The following MBD2 variants were observed in gnomAD, a reference collection of about 807,000 sequenced individuals.
MBD2 encodes the protein methyl-CpG binding domain protein 2.
In MBD2, 9 loss-of-function variants were observed where a neutral mutation model predicts 39.3. That is an observed-to-expected ratio of 0.23 (90% CI 0.14 to 0.40). MBD2 has a LOEUF of 0.40. Among genes scored for constraint, MBD2 ranks in the 10% least tolerant of loss-of-function variants. The pLI is 1.00. For missense variants in MBD2, 458 were observed against 532.6 expected, an observed-to-expected ratio of 0.86 and a Z score of 1.38; for synonymous variants, 233 against 211.1, an observed-to-expected ratio of 1.10 and a Z score of -0.90.
chr18:54,217,929 A>C (rs1412279153), intron 1 of MBD2, among the ~76,000 whole-genome samples: 1 of 152,220 alleles, frequency 6.6e-6, no homozygotes, highest in African/African-American at 2.4e-5. Flanking sequence ...TCTCACAAAA[A>C]GATGTGATAG....
At chr18:54,177,571 C>T (rs2086220673) in intron 3 of MBD2, among the ~76,000 whole-genome samples, 1 of 152,016 alleles carries the variant, frequency 6.6e-6, no homozygotes, top group African/African-American at 2.4e-5. Flanking sequence ...AGCTCCGCCT[C>T]CCGCGTTCAC....
chr18:54,169,273 C>G (rs1199983205), intron 3 of MBD2, among the ~76,000 whole-genome samples: 1 of 152,210 alleles, frequency 6.6e-6, no homozygotes, highest in East Asian at 1.9e-4. Context: ...ATCGCCCTTT[C>G]CCAAGTCTAC....
At chr18:54,182,829 G>C (rs1458027419) in intron 3 of MBD2, among the ~76,000 whole-genome samples, 1 of 152,124 alleles carries the variant, frequency 6.6e-6, no homozygotes, top group Non-Finnish European at 1.5e-5. Flanking sequence ...CTACTCAGGA[G>C]GCTGAGGTGG....
intron 1 of MBD2, among the ~76,000 whole-genome samples, chr18:54,222,773 C>T (rs898944052): frequency 2.6e-5 from 4 of 152,230 alleles, no homozygotes; most frequent in Admixed American, 2.6e-4. Flanking sequence ...ATATAGCAAC[C>T]ATCAGGAATG....
intron 2 of MBD2, among the ~76,000 whole-genome samples, chr18:54,193,671 G>A (rs2086341129): frequency 6.6e-6 from 1 of 151,998 alleles, no homozygotes; most frequent in South Asian, 2.1e-4. Flanking sequence ...GAAAAAAACA[G>A]ATATCCTTTG....
chr18:54,183,426 GA>G (rs1471125523), intron 3 of MBD2, among the ~76,000 whole-genome samples: 1 of 152,032 alleles, frequency 6.6e-6, no homozygotes, highest in African/African-American at 2.4e-5. Context: ...GACAGATAGA[GA>G]AAGAACCTAA....
At chr18:54,186,078 T>C (rs1412764790) in intron 3 of MBD2, among the ~76,000 whole-genome samples, 2 of 152,124 alleles carry the variant, frequency 1.3e-5, no homozygotes, top group Non-Finnish European at 2.9e-5. Flanking sequence ...TGATTGCTTC[T>C]CATCTAAATT....
At position 54,224,209 on chromosome 18, in the gene MBD2, A is replaced by G. The variant is rs2086640370; in HGVS notation, c.351T>C (p.Gly117=). 20 of 1,160,714 alleles carry G rather than the reference A, an allele frequency of 1.7e-5. No homozygotes were observed. The highest frequency in any genetic ancestry group is 4.2e-5 in the South Asian group (1 of 23,612). The allele number at this position is 1,160,714 out of a possible 1,614,324, so 71.9% of individuals were successfully genotyped here. ...GCTCCCGCCGGGGGGCGCCGCCGCCACCGCTGCCGCCGCCGCCGCAGCCGC... is the reference window on the plus strand; with the variant it reads ...GCTCCCGCCGGGGGGCGCCGCCGCCGCCGCTGCCGCCGCCGCCGCAGCCGC... The part of the protein sequence containing the change: ...DGGGCGGGGS[G]GGGAPRREPV... The change falls in exon 1 of 7, where the codon GGT becomes GGC. Residue 117 remains glycine (G), a synonymous_variant. Transcript: ENST00000256429.
chr18:54,162,685 A>C (rs896720234), intron 5 of MBD2, among the ~76,000 whole-genome samples: 3 of 152,234 alleles, frequency 2.0e-5, no homozygotes, highest in Admixed American at 6.5e-5. Flanking sequence ...AAGATGGAAA[A>C]GAACTTGTCT....
At chr18:54,198,453 G>A (rs376389522) in intron 2 of MBD2, among the ~76,000 whole-genome samples, 7 of 152,174 alleles carry the variant, frequency 4.6e-5, no homozygotes, top group African/African-American at 1.4e-4. Context: ...TGTGGCTCAC[G>A]CCTGTAATCC....
At chr18:54,165,323 A>G (rs889944534) in intron 4 of MBD2, among the ~76,000 whole-genome samples, 1 of 152,212 alleles carries the variant, frequency 6.6e-6, no homozygotes, top group African/African-American at 2.4e-5. Flanking sequence ...ATTACTTGTA[A>G]GATACTGGTA....
intron 1 of MBD2, among the ~76,000 whole-genome samples, chr18:54,211,411 A>ACACACG (rs992109884): frequency 6.6e-6 from 1 of 151,126 alleles, no homozygotes; most frequent in East Asian, 1.9e-4. Context: ...ACACACACAC[A>ACACACG]CACGCACACA....
chr18:54,209,252 G>T (rs918614721), intron 1 of MBD2, among the ~76,000 whole-genome samples: 1 of 140,640 alleles, frequency 7.1e-6, no homozygotes, highest in African/African-American at 2.7e-5. Flanking sequence ...AGCTGAGATT[G>T]TGCCACTGCA....
At chr18:54,218,563 A>C (rs556318017) in intron 1 of MBD2, among the ~76,000 whole-genome samples, 2 of 152,326 alleles carry the variant, frequency 1.3e-5, no homozygotes, top group Non-Finnish European at 2.9e-5. Context: ...TTCAGGTTGT[A>C]TCTTTGCACT....
intron 3 of MBD2, chr18:54,187,584 G>T: frequency 1.8e-6 from 1 of 541,076 alleles, no homozygotes; most frequent in Non-Finnish European, 2.4e-6. Flanking sequence ...CTATCACTGG[G>T]TGTGGTAGTA....
At chr18:54,159,727 C>A in intron 6 of MBD2, 38 bp downstream of exon 6, 1 of 1,594,948 alleles carries the variant, frequency 6.3e-7, no homozygotes, top group Non-Finnish European at 8.5e-7. Context: ...AGAAAACACA[C>A]CTTAAGTTCC....
chr18:54,191,450 A>T (rs1160356800), intron 2 of MBD2, among the ~76,000 whole-genome samples: 1 of 152,204 alleles, frequency 6.6e-6, no homozygotes, highest in African/African-American at 2.4e-5. Flanking sequence ...CTTCATATAA[A>T]ATCCAGAATT....
chr18:54,216,766 A>AT (rs1411618471), intron 1 of MBD2, among the ~76,000 whole-genome samples: 1 of 151,960 alleles, frequency 6.6e-6, no homozygotes, highest in Non-Finnish European at 1.5e-5. Flanking sequence ...AAAAAAAAAA[A>AT]TCTTCAAAAG....
In MBD2 at chr18:54,158,196, C is replaced by T. The variant is rs545468792; in HGVS notation, c.*12+1569G>A. Among the ~76,000 whole-genome samples the T allele has an allele frequency of 3.9e-5, 6 of 152,180 alleles. No individual in the cohort carries two copies. The Middle Eastern group carries it at 0.017, about 431-fold the overall frequency. ...AGGTTCACCACCCACACATTCCCCCCACCCCTCCCCAGACATACTGCATTC... is the reference window on the plus strand; with the variant it reads ...AGGTTCACCACCCACACATTCCCCCTACCCCTCCCCAGACATACTGCATTC... On this transcript the variant is annotated intron_variant, in intron 6 of 6. Transcript: ENST00000256429.
Sources: gnomAD v4.1 joint callset for allele counts (sites outside exome capture counted in the v4.1 genomes callset) on GRCh38, gnomAD v4.1.1 for gene constraint, MANE v1.5 for transcripts, NCBI Gene and HGNC (gene_info 2026-07-23, HGNC 2026-07-21) for gene names.